Variants in DKK2 observed in about 807,000 individuals in gnomAD.
DKK2 encodes the protein dickkopf-related protein 2.
In DKK2, 11 loss-of-function variants were observed where a neutral mutation model predicts 28.1. The observed-to-expected ratio is 0.39, with a 90% confidence interval of 0.25 to 0.65. DKK2 has a LOEUF of 0.65. Ranked by LOEUF, DKK2 falls within the 30% of genes least tolerant of loss-of-function variation. The pLI, the probability that DKK2 is intolerant of heterozygous loss-of-function variation, is 0.47. For synonymous variants in DKK2, 135 were observed against 126.5 expected (o/e 1.07, Z -0.45); for missense variants, 326 against 335.5 (o/e 0.97, Z 0.22).
In DKK2 at chr4:106,924,606, T is replaced by G; in HGVS notation, c.468A>C (p.Ser156=). The change falls in exon 3 of 4, where the codon TCA becomes TCC. Residue 156 remains serine (S), a synonymous_variant. Coordinates refer to ENST00000285311, the MANE Select transcript of DKK2 (RefSeq NM_014421.3). ...RHRDRNHGHY[S]NHDLGWQNLG... ...GATTCTGCCATCCCAAGTCATGGTT[T>G]GAGTAATGACCGTGGTTTCGATCTC... 6.2e-7 allele frequency: 1 copy of G among 1,613,982 alleles called. No homozygotes were observed. Among genetic ancestry groups the G allele is most frequent in the African/African-American group, 1.3e-5 (1 of 75,032 alleles).
chr4:106,987,933 C>T (rs922546184), intron 1 of DKK2, among the ~76,000 whole-genome samples: 2 of 149,612 alleles, frequency 1.3e-5, no homozygotes, highest in Non-Finnish European at 3.0e-5. Flanking sequence ...GGCACAATCT[C>T]GGCTCACTGC....
intron 1 of DKK2, among the ~76,000 whole-genome samples, chr4:106,928,651 C>A (rs1031289452): frequency 2.0e-5 from 3 of 152,052 alleles, no homozygotes; most frequent in Non-Finnish European, 4.4e-5. Context: ...CTCTGAAATC[C>A]ATGTCCCTTA....
intron 1 of DKK2, among the ~76,000 whole-genome samples, chr4:107,015,047 T>C (rs1723574753): frequency 6.6e-6 from 1 of 151,586 alleles, no homozygotes. Flanking sequence ...ATTTTAAACA[T>C]ATCTTCTCGT....
intron 1 of DKK2, among the ~76,000 whole-genome samples, chr4:107,028,811 A>G (rs546249137): frequency 6.6e-6 from 1 of 152,360 alleles, no homozygotes; most frequent in Admixed American, 6.5e-5. Flanking sequence ...AAACAAAGCC[A>G]TTGCAGAGAA....
At chr4:106,973,276 G>T (rs1722895723) in intron 1 of DKK2, among the ~76,000 whole-genome samples, 1 of 152,084 alleles carries the variant, frequency 6.6e-6, no homozygotes, top group Non-Finnish European at 1.5e-5. Flanking sequence ...TGGGTCAAAT[G>T]GTATTTCTGG....
At chr4:106,937,639 T>C (rs1192200176) in intron 1 of DKK2, among the ~76,000 whole-genome samples, 17 of 151,440 alleles carry the variant, frequency 1.1e-4, no homozygotes, top group African/African-American at 3.4e-4. Context: ...TACAGAACTC[T>C]CCACCCCAAA....
chr4:106,965,704 CAT>C (rs1269142789), intron 1 of DKK2, among the ~76,000 whole-genome samples: 1 of 148,616 alleles, frequency 6.7e-6, no homozygotes, highest in African/African-American at 2.5e-5. Context: ...ACTAACTCGT[CAT>C]CTAGCATTAG....
intron 1 of DKK2, among the ~76,000 whole-genome samples, chr4:107,023,542 G>A (rs918845528): frequency 2.0e-5 from 3 of 152,064 alleles, no homozygotes; most frequent in Non-Finnish European, 4.4e-5. Flanking sequence ...ACTATTCTGT[G>A]TGATACTATA....
chr4:106,952,937 G>A (rs1029555966), intron 1 of DKK2, among the ~76,000 whole-genome samples: 23 of 152,116 alleles, frequency 1.5e-4, no homozygotes, highest in Non-Finnish European at 1.9e-4. Context: ...CTCGTATGTT[G>A]GTCAACTTGC....
intron 1 of DKK2, among the ~76,000 whole-genome samples, chr4:106,935,274 A>G (rs1578347535): frequency 6.6e-6 from 1 of 152,198 alleles, no homozygotes; most frequent in African/African-American, 2.4e-5. Flanking sequence ...TGTGCGAGCC[A>G]AAGCAGGGCG....
intron 1 of DKK2, among the ~76,000 whole-genome samples, chr4:106,937,953 G>GATGTTCTTT (rs1238184763): frequency 6.8e-6 from 1 of 146,324 alleles, no homozygotes; most frequent in East Asian, 2.1e-4. Flanking sequence ...AGAATCTCTG[G>GATGTTCTTT]GACGCATTCA....
At chr4:107,030,734 T>C (rs921257147) in intron 1 of DKK2, among the ~76,000 whole-genome samples, 5 of 152,034 alleles carry the variant, frequency 3.3e-5, no homozygotes, top group Admixed American at 2.6e-4. Flanking sequence ...TGTTAACTAT[T>C]ATAAATTTCT....
At chr4:106,976,645 A>G (rs1313742321) in intron 1 of DKK2, among the ~76,000 whole-genome samples, 2 of 151,988 alleles carry the variant, frequency 1.3e-5, no homozygotes, top group African/African-American at 4.8e-5. Flanking sequence ...TGCACATGAG[A>G]TGGGTCCCCT....
intron 1 of DKK2, among the ~76,000 whole-genome samples, chr4:106,991,507 C>T (rs1191300346): frequency 6.6e-6 from 1 of 152,112 alleles, no homozygotes; most frequent in Non-Finnish European, 1.5e-5. Context: ...ACTCTTTTGA[C>T]TACCAAAACA....
intron 1 of DKK2, among the ~76,000 whole-genome samples, chr4:106,931,907 C>G (rs1037367506): frequency 2.2e-4 from 34 of 152,102 alleles, no homozygotes; most frequent in African/African-American, 8.2e-4. Flanking sequence ...TTGTTCCAAT[C>G]AAAATTCCAA....
At chr4:107,020,227 G>A (rs939403929) in intron 1 of DKK2, among the ~76,000 whole-genome samples, 1 of 152,080 alleles carries the variant, frequency 6.6e-6, no homozygotes, top group Non-Finnish European at 1.5e-5. Flanking sequence ...CAGAAGACCT[G>A]AGTATTGGCC....
At position 106,994,718 on chromosome 4, in the gene DKK2, G is replaced by A. The variant is rs549306170; in HGVS notation, c.222+40652C>T. On this transcript the variant is annotated intron_variant, in intron 1 of 3. Coordinates refer to ENST00000285311, the MANE Select transcript of DKK2 (RefSeq NM_014421.3). ...CCAGGGAAGAATTAGAGCTTGCAAG[G>A]AACTCCCAATTAATGCTTTAATGGC... Among the ~76,000 whole-genome samples, 18 of 152,242 alleles carry A rather than the reference G, an allele frequency of 1.2e-4. No individual in the cohort carries two copies. In the South Asian group the frequency reaches 3.3e-3, roughly 28 times the overall value.
Position 106,924,219 on chromosome 4 carries a change from A to G in DKK2, c.530-15T>C. 1 of 1,613,526 alleles carries G rather than the reference A, an allele frequency of 6.2e-7. No individual in the cohort carries two copies. Among genetic ancestry groups the G allele is most frequent in the Non-Finnish European group, 8.5e-7 (1 of 1,179,736 alleles). ...TCCTTCATGCCCTGCAGAGATGATG[A>G]CCAATAGATGTTACCCTGACACTTC... On this transcript the variant is annotated splice_polypyrimidine_tract_variant and intron_variant, in intron 3 of 3. Transcript: ENST00000285311.
rs1433220761 is a variant in DKK2, at chr4:106,942,969, A to G, written c.223-17020T>C. Among the ~76,000 whole-genome samples, 11 of 152,080 alleles carry G rather than the reference A, an allele frequency of 7.2e-5. No individual in the cohort carries two copies. In the East Asian group the frequency reaches 1.9e-3, roughly 27 times the overall value. On this transcript the variant is annotated intron_variant, in intron 1 of 3. Coordinates refer to ENST00000285311, the MANE Select transcript of DKK2 (RefSeq NM_014421.3). ...TACTTCTCCAGGTCTTGTATTATAC[A>G]CTCCAGCTGTACGGTACTACTTGCA...
Sources: allele counts gnomAD v4.1 joint callset (sites outside exome capture counted in the v4.1 genomes callset), GRCh38; gene constraint gnomAD v4.1.1; transcripts MANE v1.5; gene names NCBI Gene and HGNC (gene_info 2026-07-23, HGNC 2026-07-21).